SORCS1: variants seen among roughly 807,000 people sequenced by gnomAD.
SORCS1 encodes VPS10 domain-containing receptor SorCS1.
Under a neutral mutation model 146.1 loss-of-function variants are expected in SORCS1, and 60 were observed. The observed-to-expected ratio is 0.41, with a 90% CI of 0.33 to 0.51. The LOEUF is 0.51. Ranked by LOEUF, SORCS1 falls within the 20% of genes least tolerant of loss-of-function variation. The pLI, the probability that SORCS1 is intolerant of heterozygous loss-of-function variation, is 0.21. For synonymous variants in SORCS1, 637 were observed against 584.0 expected, an observed-to-expected ratio of 1.09 and a Z score of -1.31; for missense variants, 1,352 against 1,487.6, an observed-to-expected ratio of 0.91 and a Z score of 1.50.
At chr10:106,956,623 C>T in intron 1 of SORCS1, 43 bp from the exon 2 acceptor site, 1 of 1,568,882 alleles carries the variant, frequency 6.4e-7, no homozygotes, top group Non-Finnish European at 8.8e-7. Context: ...CAAACAATTA[C>T]AATCTCTTAG....
intron 2 of SORCS1, among the ~76,000 whole-genome samples, chr10:106,927,636 T>C (rs533504621): frequency 1.2e-3 from 180 of 152,324 alleles, no homozygotes; most frequent in Non-Finnish European, 2.3e-3. Context: ...GACAGGGCAC[T>C]GATTGGTGCG....
At chr10:107,041,539 A>G (rs755672781) in intron 1 of SORCS1, among the ~76,000 whole-genome samples, 11 of 152,154 alleles carry the variant, frequency 7.2e-5, no homozygotes, top group Admixed American at 2.0e-4. Flanking sequence ...CTAGTTACGG[A>G]GTCAGTTTTA....
chr10:106,648,459 G>A (rs1374936741), intron 18 of SORCS1, among the ~76,000 whole-genome samples: 1 of 152,126 alleles, frequency 6.6e-6, no homozygotes, highest in Non-Finnish European at 1.5e-5. Flanking sequence ...TTATTCTGAT[G>A]TATTTTAATG....
At chr10:107,140,578 G>A (rs979678423) in intron 1 of SORCS1, among the ~76,000 whole-genome samples, 2 of 152,096 alleles carry the variant, frequency 1.3e-5, no homozygotes, top group Non-Finnish European at 2.9e-5. Context: ...GCCTTTAGTA[G>A]AAAATTCTTA....
intron 1 of SORCS1, among the ~76,000 whole-genome samples, chr10:107,123,571 C>T (rs186909135): frequency 5.4e-4 from 82 of 152,154 alleles, no homozygotes; most frequent in Non-Finnish European, 1.1e-3. Flanking sequence ...TGAGATGTGT[C>T]CAGAGTTGAA....
intron 2 of SORCS1, among the ~76,000 whole-genome samples, chr10:106,913,260 G>A (rs1444010684): frequency 6.6e-6 from 1 of 152,164 alleles, no homozygotes; most frequent in Admixed American, 6.5e-5. Flanking sequence ...AGCAGTGGGC[G>A]CTTCGAATGT....
intron 1 of SORCS1, among the ~76,000 whole-genome samples, chr10:107,087,343 A>G (rs1161172504): frequency 1.3e-5 from 2 of 152,148 alleles, no homozygotes; most frequent in Non-Finnish European, 2.9e-5. Flanking sequence ...AGTCTTATTA[A>G]GTAGCTTTAT....
At chr10:107,134,921 G>T (rs1281444537) in intron 1 of SORCS1, among the ~76,000 whole-genome samples, 1 of 152,168 alleles carries the variant, frequency 6.6e-6, no homozygotes, top group African/African-American at 2.4e-5. Flanking sequence ...GATTTGGAAA[G>T]GAGAAAAAGG....
intron 1 of SORCS1, among the ~76,000 whole-genome samples, chr10:107,002,716 C>T (rs1332545197): frequency 6.6e-6 from 1 of 152,064 alleles, no homozygotes; most frequent in African/African-American, 2.4e-5. Flanking sequence ...TATGTGTCCA[C>T]CAAGAGGCAA....
At chr10:106,634,001 A>G (rs1848584203) in intron 18 of SORCS1, among the ~76,000 whole-genome samples, 1 of 152,176 alleles carries the variant, frequency 6.6e-6, no homozygotes, top group Non-Finnish European at 1.5e-5. Flanking sequence ...ACACTATAGC[A>G]CAAGCAGATG....
intron 1 of SORCS1, among the ~76,000 whole-genome samples, chr10:107,112,139 C>A (rs1359052541): frequency 6.6e-6 from 1 of 151,590 alleles, no homozygotes; most frequent in African/African-American, 2.4e-5. Flanking sequence ...TCACTTTTAA[C>A]CCTAGTATAA....
chr10:107,174,350 C>T, the SORCS1 span, among the ~76,000 whole-genome samples: 4 of 152,014 alleles, frequency 2.6e-5, no homozygotes, highest in East Asian at 1.9e-4. Flanking sequence ...GGACTACAGG[C>T]GCCCGCCACC....
intron 1 of SORCS1, among the ~76,000 whole-genome samples, chr10:107,150,791 T>C (rs1335278293): frequency 6.6e-6 from 1 of 152,162 alleles, no homozygotes; most frequent in Non-Finnish European, 1.5e-5. Context: ...TTCCCCGTCT[T>C]CACTCTACAC....
intron 15 of SORCS1, among the ~76,000 whole-genome samples, chr10:106,672,279 A>C (rs1851665635): frequency 6.6e-6 from 1 of 152,184 alleles, no homozygotes; most frequent in African/African-American, 2.4e-5. Context: ...TTGGGAAATC[A>C]AGGGAGAGAC....
At chr10:106,609,383 AG>A (rs1159510449) in intron 22 of SORCS1, among the ~76,000 whole-genome samples, 1 of 152,244 alleles carries the variant, frequency 6.6e-6, no homozygotes, top group East Asian at 1.9e-4. Flanking sequence ...GAGGAAGAAA[AG>A]GCAAACAATT....
chr10:107,042,482 G>A (rs1223672881), intron 1 of SORCS1, among the ~76,000 whole-genome samples: 2 of 152,142 alleles, frequency 1.3e-5, no homozygotes, highest in Non-Finnish European at 2.9e-5. Flanking sequence ...TACTTTTTAA[G>A]GCCATCCTAC....
At chr10:107,163,828 G>C in intron 1 of SORCS1, 141 bp downstream of exon 1, 1 of 919,920 alleles carries the variant, frequency 1.1e-6, no homozygotes, top group Non-Finnish European at 1.6e-6. Flanking sequence ...GTTAACTCTT[G>C]GGGGAAGTGG....
At chr10:106,659,576 G>A (rs967531972) in intron 17 of SORCS1, among the ~76,000 whole-genome samples, 1 of 152,158 alleles carries the variant, frequency 6.6e-6, no homozygotes, top group African/African-American at 2.4e-5. Flanking sequence ...GCTTGAAGGG[G>A]TCTCTAAGAT....
chr10:106,590,987 G>C (rs948910361), intron 24 of SORCS1, among the ~76,000 whole-genome samples: 1 of 152,166 alleles, frequency 6.6e-6, no homozygotes, highest in Non-Finnish European at 1.5e-5. Flanking sequence ...GATACAGAAG[G>C]CTAGGGCAAA....
Sources: gnomAD v4.1 joint callset for allele counts (sites outside exome capture counted in the v4.1 genomes callset) on GRCh38, gnomAD v4.1.1 for gene constraint, MANE v1.5 for transcripts, NCBI Gene and HGNC (gene_info 2026-07-23, HGNC 2026-07-21) for gene names.